Variants in RABL3 observed in about 807,000 individuals in gnomAD.
The protein encoded by RABL3 is RAB, member of RAS oncogene family like 3.
RABL3 carries 31 observed loss-of-function variants against 31.8 expected under a neutral mutation model. The observed-to-expected ratio is 0.97, with a 90% CI of 0.73 to 1.31. The LOEUF (loss-of-function observed/expected upper bound fraction) is 1.31. RABL3 is among the 40% of genes most tolerant of loss of function. RABL3 has a pLI of 0.00. For missense variants in RABL3, 263 were observed against 279.6 expected (o/e 0.94, Z 0.42); for synonymous variants, 97 against 99.9 (o/e 0.97, Z 0.18).
chr3:120,701,857 C>T (rs1488860558), intron 4 of RABL3, among the ~76,000 whole-genome samples: 1 of 152,130 alleles, frequency 6.6e-6, no homozygotes, highest in East Asian at 1.9e-4. Flanking sequence ...CTGTCTTTCC[C>T]AGTGAATGCA....
In RABL3 at chr3:120,725,213, C is replaced by T. The variant is rs571629771; in HGVS notation, c.138+5483G>A. On this transcript the variant is annotated intron_variant, in intron 2 of 7. Transcript: ENST00000273375. ...ATGAAAAAATGCTCACCATCACTGG[C>T]CATCAGAGAAATGCAAATCAAAACC... 4.6e-5 allele frequency among the ~76,000 whole-genome samples: 7 copies of T among 152,272 alleles called. No individual in the cohort carries two copies. In the East Asian group the frequency reaches 1.3e-3, roughly 29 times the overall value.
chr3:120,714,899 CT>C (rs769463189), intron 2 of RABL3, among the ~76,000 whole-genome samples: 25 of 152,092 alleles, frequency 1.6e-4, no homozygotes, highest in Non-Finnish European at 3.1e-4. Flanking sequence ...TCTAAATTTT[CT>C]CTTTTAGAAA....
chr3:120,732,218 G>T (rs1708892223), intron 1 of RABL3, among the ~76,000 whole-genome samples: 1 of 152,152 alleles, frequency 6.6e-6, no homozygotes, highest in Admixed American at 6.5e-5. Context: ...GTTCTGTCTG[G>T]AATATCCTAC....
chr3:120,719,265 A>G (rs1708707071), intron 2 of RABL3, among the ~76,000 whole-genome samples: 1 of 152,238 alleles, frequency 6.6e-6, no homozygotes, highest in Non-Finnish European at 1.5e-5. Flanking sequence ...TACAGCTCCC[A>G]GCGTGAGCGA....
intron 2 of RABL3, chr3:120,722,059 G>A (rs1287237349): frequency 6.6e-6 from 1 of 152,088 alleles, no homozygotes; most frequent in Non-Finnish European, 1.5e-5. Flanking sequence ...TCTTCCCACA[G>A]CACATTCTCA....
intron 2 of RABL3, among the ~76,000 whole-genome samples, chr3:120,718,241 T>C (rs190207150): frequency 2.1e-3 from 315 of 152,328 alleles, no homozygotes; most frequent in African/African-American, 7.3e-3. Context: ...TCCTCTCAGA[T>C]AGATGCTGTT....
rs1708292765 is a variant in RABL3, at chr3:120,684,971, A to T, written c.*4852T>A. On this transcript the variant is annotated 3_prime_UTR_variant, in exon 8 of 8. Transcript: ENST00000273375. ...CTATGTCTAATGGCTTTCCATTTTA[A>T]TTAATGTAATTATACATTCATTTAT... 6.6e-6 allele frequency among the ~76,000 whole-genome samples: 1 copy of T among 152,242 alleles called. No homozygotes were observed. The highest frequency in any genetic ancestry group is 1.5e-5 in the Non-Finnish European group (1 of 68,048).
chr3:120,737,558 G>A (rs1708985221), intron 1 of RABL3, among the ~76,000 whole-genome samples: 1 of 152,206 alleles, frequency 6.6e-6, no homozygotes, highest in East Asian at 1.9e-4. Flanking sequence ...TTGTTCCTTT[G>A]CTGGCGAGGA....
intron 1 of RABL3, among the ~76,000 whole-genome samples, chr3:120,737,208 G>A (rs1708978694): frequency 6.6e-6 from 1 of 152,134 alleles, no homozygotes; most frequent in Admixed American, 6.5e-5. Context: ...ATATTTCTTG[G>A]AGCCTTTGTT....
chr3:120,692,318 C>A (rs1335880023), intron 6 of RABL3, among the ~76,000 whole-genome samples: 1 of 152,106 alleles, frequency 6.6e-6, no homozygotes, highest in East Asian at 1.9e-4. Flanking sequence ...CCTGCCTCAG[C>A]CTCCTGAGTA....
intron 1 of RABL3, among the ~76,000 whole-genome samples, chr3:120,739,026 G>A (rs1709008823): frequency 1.3e-5 from 2 of 152,110 alleles, no homozygotes; most frequent in South Asian, 2.1e-4. Context: ...AGGTCTTGTT[G>A]CACCTCAACA....
intron 5 of RABL3, 69 bp from the exon 6 acceptor site, chr3:120,694,293 A>C (rs1163705690): frequency 2.3e-5 from 23 of 978,756 alleles, no homozygotes; most frequent in Non-Finnish European, 3.4e-5. Context: ...TTCATAACTT[A>C]TCCTGTTGCA....
intron 5 of RABL3, 109 bp from the exon 6 acceptor site, chr3:120,694,333 C>A (rs951288543): frequency 3.2e-6 from 2 of 622,730 alleles, no homozygotes; most frequent in Admixed American, 5.0e-5. Context: ...CTATTAGGCA[C>A]AATACTCTCA....
At chr3:120,724,694 T>C (rs1708795367) in intron 2 of RABL3, among the ~76,000 whole-genome samples, 1 of 152,106 alleles carries the variant, frequency 6.6e-6, no homozygotes, top group Non-Finnish European at 1.5e-5. Flanking sequence ...AAACAAGAAA[T>C]GGGGAAAGGA....
intron 2 of RABL3, among the ~76,000 whole-genome samples, chr3:120,714,554 A>C (rs1298585334): frequency 1.3e-5 from 2 of 152,074 alleles, no homozygotes; most frequent in Admixed American, 6.5e-5. Flanking sequence ...TTCTGTACCC[A>C]TTCACTCTTT....
At chr3:120,723,883 T>C (rs1035404418) in intron 2 of RABL3, among the ~76,000 whole-genome samples, 155 of 152,074 alleles carry the variant, frequency 1.0e-3, no homozygotes, top group African/African-American at 2.9e-3. Context: ...CTTTGAAAAC[T>C]GGCACAAGAC....
chr3:120,710,881 C>T (rs554373232), intron 2 of RABL3, among the ~76,000 whole-genome samples: 12 of 152,204 alleles, frequency 7.9e-5, no homozygotes, highest in East Asian at 1.9e-4. Context: ...CTATTCTTAG[C>T]GGTAATCCTT....
At chr3:120,724,407 T>C (rs1183394963) in intron 2 of RABL3, among the ~76,000 whole-genome samples, 2 of 152,188 alleles carry the variant, frequency 1.3e-5, no homozygotes, top group Non-Finnish European at 2.9e-5. Context: ...GCCATCCCCA[T>C]CAAGCTACCA....
chr3:120,735,794 C>A lies in RABL3; in HGVS notation c.47-5007G>T, dbSNP rs188460536. On this transcript the variant is annotated intron_variant, in intron 1 of 7. Coordinates refer to ENST00000273375, the MANE Select transcript of RABL3 (RefSeq NM_173825.5). ...AACATCTTCATTTCTGCCTTCATTT[C>A]ATTATGTACCCAGTAGTCATTCAGG... Among the ~76,000 whole-genome samples, 6 of 152,272 alleles carry A rather than the reference C, an allele frequency of 3.9e-5. No individual in the cohort carries two copies. The East Asian group carries it at 1.2e-3, about 29-fold the overall frequency.
Sources: gnomAD v4.1 joint callset for allele counts (sites outside exome capture counted in the v4.1 genomes callset) on GRCh38, gnomAD v4.1.1 for gene constraint, MANE v1.5 for transcripts, NCBI Gene and HGNC (gene_info 2026-07-23, HGNC 2026-07-21) for gene names.